TCEANC2: variants seen among roughly 807,000 people sequenced by gnomAD.
The protein encoded by TCEANC2 is transcription elongation factor A N-terminal and central domain-containing protein 2.
A neutral mutation model predicts 22.8 loss-of-function variants in TCEANC2; 20 were observed. The observed-to-expected ratio is 0.88, with a 90% confidence interval of 0.62 to 1.28. The LOEUF (loss-of-function observed/expected upper bound fraction) is 1.28, where lower values mean the gene tolerates loss of function less well. TCEANC2 is among the 50% of genes most tolerant of loss of function. The pLI is 0.00. For synonymous variants in TCEANC2, 84 were observed against 95.5 expected (o/e 0.88, Z 0.70); for missense variants, 251 against 249.7 (o/e 1.01, Z -0.03).
intron 4 of TCEANC2, among the ~76,000 whole-genome samples, chr1:54,095,422 A>G (rs932251689): frequency 6.6e-6 from 1 of 152,070 alleles, no homozygotes; most frequent in Non-Finnish European, 1.5e-5. Context: ...GGGGAGGGGA[A>G]TAGCTGAAGA....
intron 2 of TCEANC2, among the ~76,000 whole-genome samples, chr1:54,065,561 A>T (rs1456232515): frequency 6.6e-6 from 1 of 151,692 alleles, no homozygotes; most frequent in Non-Finnish European, 1.5e-5. Context: ...CTACAAAAAA[A>T]ATTTAAAAAT....
chr1:54,064,904 C>T (rs181385390), intron 2 of TCEANC2, among the ~76,000 whole-genome samples: 81 of 151,758 alleles, frequency 5.3e-4, no homozygotes, highest in Admixed American at 4.6e-3. Flanking sequence ...TTTGCCATGT[C>T]GGCCAGGCTG....
intron 3 of TCEANC2, among the ~76,000 whole-genome samples, chr1:54,081,971 A>G (rs546100999): frequency 6.6e-6 from 1 of 152,338 alleles, no homozygotes; most frequent in South Asian, 2.1e-4. Flanking sequence ...CAGTATCTCA[A>G]TAGAGCCTTA....
chr1:54,088,704 C>A lies in TCEANC2; in HGVS notation c.352C>A (p.Pro118Thr). ...KTFTEKHSNR[P>T]SIEVRSDPKT... The stretch of plus-strand genomic sequence containing the variant: ...TTTCACTGAAAAACATTCAAATAGA[C>A]CTTCTATTGAAGTTAGAAGTGATCC... The change falls in exon 4 of 5, where the codon CCT becomes ACT. Residue 118 changes from proline (P) to threonine (T), a missense_variant. Pro to Thr is a conservative substitution (Grantham distance 38, BLOSUM62 -1). Transcript: ENST00000234827. 6.2e-7 allele frequency: 1 copy of A among 1,610,726 alleles called. No individual in the cohort carries two copies. The highest frequency in any genetic ancestry group is 8.5e-7 in the Non-Finnish European group (1 of 1,178,686).
chr1:54,079,461 T>C (rs1166749293), intron 3 of TCEANC2, among the ~76,000 whole-genome samples: 3 of 152,244 alleles, frequency 2.0e-5, no homozygotes, highest in Non-Finnish European at 4.4e-5. Context: ...AAAATGATGA[T>C]AGGACTGCAT....
intron 3 of TCEANC2, among the ~76,000 whole-genome samples, chr1:54,070,778 A>C (rs1658041765): frequency 6.6e-6 from 1 of 152,198 alleles, no homozygotes; most frequent in South Asian, 2.1e-4. Flanking sequence ...ATAAGGGACA[A>C]ATATTTACTG....
chr1:54,060,425 C>A (rs866284631), intron 2 of TCEANC2, among the ~76,000 whole-genome samples: 1 of 151,008 alleles, frequency 6.6e-6, no homozygotes, highest in Admixed American at 6.6e-5. Flanking sequence ...AAAAATTAGC[C>A]GGGCGTGGTG....
chr1:54,076,961 G>A (rs1658155310), intron 3 of TCEANC2, among the ~76,000 whole-genome samples: 1 of 151,574 alleles, frequency 6.6e-6, no homozygotes, highest in Non-Finnish European at 1.5e-5. Context: ...CTGGGCTGGA[G>A]TAGGCCTCAT....
chr1:54,070,718 T>C (rs1658040938), intron 3 of TCEANC2, among the ~76,000 whole-genome samples: 1 of 152,222 alleles, frequency 6.6e-6, no homozygotes, highest in South Asian at 2.1e-4. Flanking sequence ...CTGAGAGTGT[T>C]TACATTTCTT....
At chr1:54,068,133 C>T (rs1166202502) in intron 2 of TCEANC2, among the ~76,000 whole-genome samples, 1 of 152,086 alleles carries the variant, frequency 6.6e-6, no homozygotes, top group Admixed American at 6.5e-5. Flanking sequence ...ATAGTTTCTT[C>T]TAGGAAGGGA....
At position 54,096,434 on chromosome 1, in the gene TCEANC2, G is replaced by A. The variant is rs749768860; in HGVS notation, c.588G>A (p.Ser196=). The part of the protein sequence containing the change: ...AEIRAQVKSG[S]LPVGTFVQTH... The stretch of plus-strand genomic sequence containing the variant: ...TCCGGGCTCAGGTGAAGAGCGGCTC[G>A]CTGCCAGTCGGCACGTTTGTACAGA... Residue 196 remains serine, a synonymous_variant, in exon 5 of 5, where the codon TCG becomes TCA. Transcript: ENST00000234827. The surrounding 1 kb of genome is among the most constrained non-coding windows in gnomAD (Gnocchi z 4.9). 8 of 1,612,078 alleles carry A rather than the reference G, an allele frequency of 5.0e-6. No homozygotes were observed. The highest frequency in any genetic ancestry group is 3.3e-5 in the South Asian group (3 of 91,058).
At chr1:54,086,711 T>C (rs150549343) in intron 3 of TCEANC2, among the ~76,000 whole-genome samples, 1 of 151,430 alleles carries the variant, frequency 6.6e-6, no homozygotes, top group Admixed American at 6.6e-5. Context: ...AGTGGAGGAG[T>C]GAAATGGTCA....
chr1:54,065,759 T>C (rs1657942955), intron 2 of TCEANC2, among the ~76,000 whole-genome samples: 1 of 150,480 alleles, frequency 6.6e-6, no homozygotes, highest in Non-Finnish European at 1.5e-5. Context: ...CATAGAAATA[T>C]AATAAGTAAC....
chr1:54,062,793 G>C (rs945119404), intron 2 of TCEANC2, among the ~76,000 whole-genome samples: 1 of 152,184 alleles, frequency 6.6e-6, no homozygotes, highest in African/African-American at 2.4e-5. Context: ...AAATTCAAAA[G>C]GAAGCTGTAA....
intron 2 of TCEANC2, among the ~76,000 whole-genome samples, chr1:54,068,146 G>A (rs1657991871): frequency 6.6e-6 from 1 of 152,226 alleles, no homozygotes; most frequent in East Asian, 1.9e-4. Flanking sequence ...GGAAGGGAAA[G>A]AGGGGAATGA....
At chr1:54,073,425 C>G (rs930741031) in intron 3 of TCEANC2, among the ~76,000 whole-genome samples, 5 of 152,226 alleles carry the variant, frequency 3.3e-5, no homozygotes, top group Admixed American at 1.3e-4. Flanking sequence ...AGAGTCCCAG[C>G]TCCCCTCCTC....
At position 54,068,753 on chromosome 1, in the gene TCEANC2, C is replaced by G; in HGVS notation, c.103-3C>G. The G allele has an allele frequency of 6.3e-7, 1 of 1,584,780 alleles. No homozygotes were observed. Among genetic ancestry groups the G allele is most frequent in the Non-Finnish European group, 8.5e-7 (1 of 1,171,264 alleles). On this transcript the variant is annotated splice_region_variant and splice_polypyrimidine_tract_variant and intron_variant, in intron 2 of 4. Coordinates refer to ENST00000234827, the MANE Select transcript of TCEANC2 (RefSeq NM_153035.3). ...TTTTCCAAATGACTTTTCTTTTTCC[C>G]AGAGAGTTGTGGTTGTAGAAGACAT... is the stretch of plus-strand genomic sequence containing the variant.
intron 4 of TCEANC2, chr1:54,090,075 C>G (rs1658413940): frequency 1.5e-6 from 1 of 649,972 alleles, no homozygotes; most frequent in African/African-American, 1.8e-5. Context: ...CAGGGTCACC[C>G]CAAAGGAATG....
chr1:54,079,004 T>C (rs914976469), intron 3 of TCEANC2, among the ~76,000 whole-genome samples: 32 of 152,186 alleles, frequency 2.1e-4, no homozygotes, highest in Non-Finnish European at 4.4e-4. Context: ...TGTGAGTGGA[T>C]ACCTTTATTA....
Sources: allele counts gnomAD v4.1 joint callset (sites outside exome capture counted in the v4.1 genomes callset), GRCh38; gene constraint gnomAD v4.1.1; non-coding constraint Gnocchi (gnomAD v3.1); transcripts MANE v1.5; gene names NCBI Gene and HGNC (gene_info 2026-07-23, HGNC 2026-07-21).